HMCN1: variants seen among roughly 807,000 people sequenced by gnomAD.
HMCN1 encodes hemicentin-1.
Under a neutral mutation model 625.9 loss-of-function variants are expected in HMCN1, and 321 were observed. That is an observed-to-expected ratio of 0.51 (90% CI 0.47 to 0.56). The LOEUF (loss-of-function observed/expected upper bound fraction) is 0.56. Among genes scored for constraint, HMCN1 ranks in the 20% least tolerant of loss-of-function variants. The probability of loss-of-function intolerance (pLI) is 0.00; values close to 1 mark genes in which losing one functional copy is unlikely to be tolerated. For missense variants in HMCN1, 6,588 were observed against 6,887.3 expected (o/e 0.96, Z 1.54); for synonymous variants, 2,425 against 2,417.6 (o/e 1.00, Z -0.09).
At chr1:186,029,604 T>C (rs1460496754) in intron 36 of HMCN1, among the ~76,000 whole-genome samples, 1 of 151,930 alleles carries the variant, frequency 6.6e-6, no homozygotes, top group African/African-American at 2.4e-5. Flanking sequence ...TTGTAGTAAT[T>C]AGATCTTCTC....
At chr1:186,167,480 C>A (rs1220509109) in intron 100 of HMCN1, among the ~76,000 whole-genome samples, 1 of 152,180 alleles carries the variant, frequency 6.6e-6, no homozygotes, top group Non-Finnish European at 1.5e-5. Context: ...AATAAACTTA[C>A]ACTGACACAT....
In HMCN1 at chr1:185,902,634, G is replaced by A. The variant is rs181050746; in HGVS notation, c.622-6703G>A. ...GTAAATAAATAAAGGGTATGAATGA[G>A]GAGAAAGAGTCAGGGCTAGTAACCT... On this transcript the variant is annotated intron_variant, in intron 4 of 106. Coordinates refer to ENST00000271588, the MANE Select transcript of HMCN1 (RefSeq NM_031935.3). 1.4e-3 allele frequency among the ~76,000 whole-genome samples: 207 copies of A among 151,666 alleles called. 1 individual carries two copies. The highest frequency in any genetic ancestry group is 0.013 in the Admixed American group (195 of 15,150).
rs904728437 is a variant in HMCN1 at position 186,112,823 on chromosome 1, A to G, written c.11001A>G (p.Arg3667=). 5.6e-6 allele frequency: 9 copies of G among 1,614,196 alleles called. No homozygotes were observed. In the East Asian group the frequency reaches 1.6e-4, roughly 28 times the overall value. ...RNGERLQATP[R]VRILSGGRYL... ...CTTGCTGAATCCAGGCAACACCTCGAGTGCGAATCCTATCTGGAGGGAGAT... is the reference window on the plus strand; with the variant it reads ...CTTGCTGAATCCAGGCAACACCTCGGGTGCGAATCCTATCTGGAGGGAGAT... Residue 3667 remains arginine, a synonymous_variant, in exon 72 of 107, where the codon CGA becomes CGG. Coordinates refer to ENST00000271588, the MANE Select transcript of HMCN1 (RefSeq NM_031935.3).
chr1:185,830,729 A>T (rs1432054900), intron 1 of HMCN1, among the ~76,000 whole-genome samples: 1 of 152,040 alleles, frequency 6.6e-6, no homozygotes, highest in East Asian at 1.9e-4. Flanking sequence ...TCTACAAAAA[A>T]ATACAAAAAT....
intron 1 of HMCN1, among the ~76,000 whole-genome samples, chr1:185,780,116 A>G (rs1261233618): frequency 1.3e-5 from 2 of 152,146 alleles, no homozygotes; most frequent in Non-Finnish European, 2.9e-5. Context: ...GCAATTGTGA[A>G]TGGGAGTTCA....
chr1:186,007,358 A>G, intron 30 of HMCN1, 76 bp downstream of exon 30: 1 of 1,307,268 alleles, frequency 7.6e-7, no homozygotes, highest in Non-Finnish European at 1.1e-6. Flanking sequence ...TGGTAACTAC[A>G]CTCTTATTTC....
At position 185,846,076 on chromosome 1, in the gene HMCN1, C is replaced by G; in HGVS notation, c.319C>G (p.Leu107Val). Residue 107 changes from leucine to valine, a missense_variant, in exon 2 of 107, where the codon CTC (leucine) becomes GTC (valine). Coordinates refer to ENST00000271588, the MANE Select transcript of HMCN1 (RefSeq NM_031935.3). The part of the protein sequence containing the change: ...TTDPKKFQYE[L>V]RELYVQGGGD... The stretch of plus-strand genomic sequence containing the variant: ...AGATCCCAAGAAATTTCAATATGAA[C>G]TCAGAGAACTGTATGTTCAGGTGAG... 1 of 1,611,496 alleles carries G rather than the reference C, an allele frequency of 6.2e-7. No individual in the cohort carries two copies.
chr1:185,889,813 T>C (rs1664932229), intron 4 of HMCN1, among the ~76,000 whole-genome samples: 1 of 142,096 alleles, frequency 7.0e-6, no homozygotes, highest in Non-Finnish European at 1.5e-5. Flanking sequence ...ATCAGAATGA[T>C]GCTGGCCTCA....
intron 4 of HMCN1, among the ~76,000 whole-genome samples, chr1:185,868,470 TAGTG>T (rs1171974916): frequency 2.0e-5 from 3 of 152,256 alleles, no homozygotes; most frequent in African/African-American, 7.2e-5. Context: ...TTTCTCATGA[TAGTG>T]AGTGAGCTCT....
chr1:186,017,129 A>G lies in HMCN1; in HGVS notation c.5300+58A>G. The stretch of plus-strand genomic sequence containing the variant: ...CTGCTTTTTGTTTTGAGTGTTTTAG[A>G]GCTATCTTGAAAGCTGTTCTGTATC... On this transcript the variant is annotated intron_variant, in intron 33 of 106. Transcript: ENST00000271588. The G allele has an allele frequency of 1.8e-5, 16 of 875,058 alleles. 1 individual carries two copies. In the South Asian group the frequency reaches 2.1e-4, roughly 11 times the overall value. The allele number at this position is 875,058 out of a possible 1,614,324, so 54.2% of individuals were successfully genotyped here.
chr1:186,019,108 C>A (rs1306682721), intron 34 of HMCN1, among the ~76,000 whole-genome samples: 2 of 152,028 alleles, frequency 1.3e-5, no homozygotes, highest in Admixed American at 6.6e-5. Context: ...GGGAGGAAAT[C>A]TGGCAGTCCC....
At chr1:185,860,960 A>G (rs1662831999) in intron 2 of HMCN1, among the ~76,000 whole-genome samples, 1 of 152,166 alleles carries the variant, frequency 6.6e-6, no homozygotes, top group African/African-American at 2.4e-5. Context: ...ATTCAAATTT[A>G]TAGGCTGAAA....
chr1:185,925,827 T>G (rs1667247925), intron 9 of HMCN1, among the ~76,000 whole-genome samples: 1 of 152,134 alleles, frequency 6.6e-6, no homozygotes, highest in Admixed American at 6.5e-5. Context: ...GCATGAAGGC[T>G]GGAGTGGACT....
intron 47 of HMCN1, 122 bp downstream of exon 47, chr1:186,062,086 C>G: frequency 1.6e-6 from 1 of 636,790 alleles, no homozygotes; most frequent in Non-Finnish European, 2.8e-6. Context: ...GACTGTGACT[C>G]TTGGCAAGAA....
intron 1 of HMCN1, among the ~76,000 whole-genome samples, chr1:185,815,619 A>G (rs1038688346): frequency 1.2e-4 from 18 of 149,914 alleles, no homozygotes; most frequent in African/African-American, 4.6e-4. Context: ...GCATAAGACC[A>G]AGAGTTCTAG....
chr1:186,094,164 A>T lies in HMCN1; in HGVS notation c.10197-112A>T, dbSNP rs1445798818. ...ATGGATGGCTATAAGCTTCATAATTAAAATTTCCCAACATAAATCACCACC... is the reference window on the plus strand; with the variant it reads ...ATGGATGGCTATAAGCTTCATAATTTAAATTTCCCAACATAAATCACCACC... On this transcript the variant is annotated intron_variant, in intron 66 of 106. Transcript: ENST00000271588. The T allele has an allele frequency of 7.0e-6, 6 of 859,416 alleles. No individual in the cohort carries two copies. In the African/African-American group the frequency reaches 8.4e-5, roughly 12 times the overall value. The allele number at this position is 859,416 out of a possible 1,614,324, so 53.2% of individuals were successfully genotyped here.
rs755509788 is a variant in HMCN1 at position 186,137,710 on chromosome 1, CCT to C, written c.13753+43_13753+44del. On this transcript the variant is annotated intron_variant, in intron 88 of 106. Transcript: ENST00000271588. ...AACTGATAGGCATGTGTTTAATAGA[CCT>C]TCATTTCTGTCTTCTACCTATGGAT... The C allele has an allele frequency of 1.9e-6, 3 of 1,613,584 alleles. No homozygotes were observed. In the East Asian group the frequency reaches 6.7e-5, roughly 36 times the overall value.
chr1:185,943,198 CA>C (rs1407746394), intron 11 of HMCN1, among the ~76,000 whole-genome samples: 11 of 152,248 alleles, frequency 7.2e-5, no homozygotes, highest in African/African-American at 2.6e-4. Context: ...AGCTACTCTA[CA>C]AATTGATTGA....
Position 186,076,518 on chromosome 1 carries a change from C to T in HMCN1, c.8381C>T (p.Pro2794Leu), listed in dbSNP as rs1415398047. 1.9e-6 allele frequency: 3 copies of T among 1,613,618 alleles called. No homozygotes were observed. In the South Asian group the frequency reaches 3.3e-5, roughly 18 times the overall value. ...GEAKDVIINN[P>L]ISLYCETNAA... Reference sequence around the variant, plus strand: ...GCCAAAGATGTGATCATCAACAATCCCATTTCTCTTTACTGTGAGACAAAT... The same window carrying T: ...GCCAAAGATGTGATCATCAACAATCTCATTTCTCTTTACTGTGAGACAAAT... The change falls in exon 54 of 107, where the codon CCC (proline) becomes CTC (leucine). Residue 2794 changes from proline (P) to leucine (L), a missense_variant. Pro to Leu is a moderately conservative substitution (Grantham distance 98, BLOSUM62 -3). Coordinates refer to ENST00000271588, the MANE Select transcript of HMCN1 (RefSeq NM_031935.3).
Sources: gnomAD v4.1 joint callset for allele counts (sites outside exome capture counted in the v4.1 genomes callset) on GRCh38, gnomAD v4.1.1 for gene constraint, MANE v1.5 for transcripts, NCBI Gene and HGNC (gene_info 2026-07-23, HGNC 2026-07-21) for gene names.